KDM4C: variants seen among roughly 807,000 people sequenced by gnomAD.
The protein encoded by KDM4C is lysine demethylase 4C, also known as lysine-specific demethylase 4C.
A neutral mutation model predicts 129.3 loss-of-function variants in KDM4C; 81 were observed. The observed-to-expected ratio is 0.63, with a 90% CI of 0.52 to 0.75. KDM4C has a LOEUF of 0.75. KDM4C is among the 30% of genes least tolerant of loss of function. The pLI, the probability that KDM4C is intolerant of heterozygous loss-of-function variation, is 0.00. For missense variants in KDM4C, 1,457 were observed against 1,304.0 expected (o/e 1.12, Z -1.81); for synonymous variants, 573 against 456.1 (o/e 1.26, Z -3.26).
At chr9:6,859,915 C>G (rs1840621770) in intron 5 of KDM4C, among the ~76,000 whole-genome samples, 1 of 150,662 alleles carries the variant, frequency 6.6e-6, no homozygotes, top group Non-Finnish European at 1.5e-5. Context: ...AAAGGTTTAT[C>G]TAGTTATTAA....
intron 17 of KDM4C, among the ~76,000 whole-genome samples, chr9:7,099,711 T>A (rs1836856787): frequency 6.6e-6 from 1 of 152,176 alleles, no homozygotes; most frequent in East Asian, 1.9e-4. Context: ...CAAGATGTGC[T>A]GGAATCCTGG....
intron 17 of KDM4C, among the ~76,000 whole-genome samples, chr9:7,090,521 T>C (rs1176059014): frequency 6.6e-6 from 1 of 152,300 alleles, no homozygotes; most frequent in East Asian, 1.9e-4. Context: ...ATAATTCCTC[T>C]GGTGCTACTT....
intron 3 of KDM4C, 79 bp downstream of exon 3, chr9:6,805,853 G>A: frequency 7.7e-7 from 1 of 1,303,202 alleles, no homozygotes; most frequent in Non-Finnish European, 1.0e-6. Context: ...AGACAGAGGA[G>A]CTTATAAATG....
chr9:6,767,971 A>G (rs1052453137), intron 1 of KDM4C, among the ~76,000 whole-genome samples: 3 of 151,550 alleles, frequency 2.0e-5, no homozygotes, highest in South Asian at 4.2e-4. Flanking sequence ...TTCTTTTAGT[A>G]TTTTCAAATA....
intron 12 of KDM4C, 34 bp from the exon 13 acceptor site, chr9:7,011,664 A>G (rs1822718135): frequency 6.3e-7 from 1 of 1,585,638 alleles, no homozygotes; most frequent in African/African-American, 1.3e-5. Flanking sequence ...CCTGGTTCCC[A>G]TGCTCATGGT....
Position 7,103,881 on chromosome 9 carries a change from C to T in KDM4C, c.2610+11C>T. On this transcript the variant is annotated intron_variant, in intron 18 of 21. Coordinates refer to ENST00000381309, the MANE Select transcript of KDM4C (RefSeq NM_015061.6). ...GTCAACCCCAACGTGGTAAGATGTG[C>T]CCTCCCTTCCTCAGTGCTAAGACCG... The T allele has an allele frequency of 6.2e-7, 1 of 1,612,010 alleles. No homozygotes were observed. The highest frequency in any genetic ancestry group is 1.1e-5 in the South Asian group (1 of 91,010).
chr9:7,114,780 A>G (rs1163076232), intron 18 of KDM4C, among the ~76,000 whole-genome samples: 2 of 152,160 alleles, frequency 1.3e-5, no homozygotes, highest in Non-Finnish European at 2.9e-5. Flanking sequence ...TAGCAGACCT[A>G]GACCCCACGG....
intron 18 of KDM4C, among the ~76,000 whole-genome samples, chr9:7,121,780 A>G (rs1839515707): frequency 6.6e-6 from 1 of 152,050 alleles, no homozygotes; most frequent in Non-Finnish European, 1.5e-5. Context: ...ATCTAGAACA[A>G]TACCTTCCAT....
chr9:7,104,240 G>C lies in KDM4C; in HGVS notation c.2610+370G>C, dbSNP rs59619653. On this transcript the variant is annotated intron_variant, in intron 18 of 21. Coordinates refer to ENST00000381309, the MANE Select transcript of KDM4C (RefSeq NM_015061.6). ...GAGAGTGAGACCATTTCTGCGAGGG[G>C]ATCACCACCTGAGATTATGTAGTGA... 701 of 195,626 alleles carry C rather than the reference G, an allele frequency of 3.6e-3. 7 individuals carry two copies. Among genetic ancestry groups the C allele is most frequent in the African/African-American group, 0.015 (659 of 44,554 alleles). 12.1% of individuals were successfully genotyped at this position (195,626 alleles called of 1,614,324 possible).
At chr9:6,834,612 A>G (rs368160553) in intron 4 of KDM4C, 5 of 756,974 alleles carry the variant, frequency 6.6e-6, no homozygotes, top group Non-Finnish European at 9.9e-6. Flanking sequence ...AAGGACTCCC[A>G]TGTGGGCGAC....
intron 8 of KDM4C, among the ~76,000 whole-genome samples, chr9:6,949,112 G>T (rs1039459820): frequency 6.7e-6 from 1 of 150,240 alleles, no homozygotes; most frequent in Non-Finnish European, 1.5e-5. Flanking sequence ...GGGTGGAGAC[G>T]CTCCTCACTT....
At chr9:6,854,783 A>G (rs1839506931) in intron 5 of KDM4C, among the ~76,000 whole-genome samples, 1 of 152,250 alleles carries the variant, frequency 6.6e-6, no homozygotes, top group Non-Finnish European at 1.5e-5. Flanking sequence ...GGATAGATAC[A>G]CATTAGTTCA....
At chr9:6,919,347 C>T (rs1045258774) in intron 8 of KDM4C, among the ~76,000 whole-genome samples, 1 of 148,284 alleles carries the variant, frequency 6.7e-6, no homozygotes, top group Admixed American at 6.8e-5. Flanking sequence ...GTATAGTGTG[C>T]AAATATTATC....
chr9:6,872,158 T>C (rs1444472432), intron 5 of KDM4C, among the ~76,000 whole-genome samples: 1 of 152,132 alleles, frequency 6.6e-6, no homozygotes, highest in East Asian at 1.9e-4. Context: ...TGGAGTTAAA[T>C]TGTGGAGGTC....
rs200920403 is a variant in KDM4C at position 6,737,359 on chromosome 9, TA to T, written c.49+16368del. On this transcript the variant is annotated intron_variant, in intron 1 of 17. Coordinates refer to the KDM4C transcript ENST00000536108. ...CAAGCCAAAAAACAAACAACCCCAT[TA>T]AAAAAGTGAGCAAAGGACGGTCAGG... Among the ~76,000 whole-genome samples the T allele has an allele frequency of 9.5e-3, 1,438 of 151,506 alleles. 22 individuals are homozygous for T. The highest frequency in any genetic ancestry group is 0.033 in the African/African-American group (1,368 of 41,308).
chr9:6,894,362 G>A (rs990741025), intron 8 of KDM4C, among the ~76,000 whole-genome samples: 1 of 152,206 alleles, frequency 6.6e-6, no homozygotes, highest in African/African-American at 2.4e-5. Flanking sequence ...GAACAGAACT[G>A]TACTACTACT....
At chr9:6,874,826 T>C (rs1843315528) in intron 5 of KDM4C, among the ~76,000 whole-genome samples, 1 of 151,518 alleles carries the variant, frequency 6.6e-6, no homozygotes, top group Non-Finnish European at 1.5e-5. Flanking sequence ...TGGCCTGTGG[T>C]GGCCTGTAAT....
chr9:7,157,045 G>T (rs1303762585), intron 19 of KDM4C, among the ~76,000 whole-genome samples: 1 of 152,102 alleles, frequency 6.6e-6, no homozygotes, highest in African/African-American at 2.4e-5. Flanking sequence ...GTGGTTTGTA[G>T]TTCTCCTTGA....
At chr9:6,772,397 T>C (rs1246257017) in intron 1 of KDM4C, among the ~76,000 whole-genome samples, 2 of 151,924 alleles carry the variant, frequency 1.3e-5, no homozygotes, top group African/African-American at 4.8e-5. Flanking sequence ...GTCTTGCTCT[T>C]GTTGCCCAGG....
Sources: gnomAD v4.1 joint callset for allele counts (sites outside exome capture counted in the v4.1 genomes callset) on GRCh38, gnomAD v4.1.1 for gene constraint, MANE v1.5 for transcripts, NCBI Gene and HGNC (gene_info 2026-07-23, HGNC 2026-07-21) for gene names.